RYR3: variants seen among roughly 807,000 people sequenced by gnomAD.
RYR3 encodes brain ryanodine receptor-calcium release channel.
RYR3 carries 207 observed loss-of-function variants against 584.3 expected under a neutral mutation model. The ratio of observed to expected loss-of-function variants is 0.35; its 90% CI spans 0.32 to 0.40. RYR3 has a LOEUF of 0.40. Among genes scored for constraint, RYR3 ranks in the 10% least tolerant of loss-of-function variants. RYR3 has a pLI of 1.00. For synonymous variants in RYR3, 2,416 were observed against 2,248.5 expected, an observed-to-expected ratio of 1.07 and a Z score of -2.11; for missense variants, 5,616 against 6,089.2, an observed-to-expected ratio of 0.92 and a Z score of 2.59.
chr15:33,385,556 C>G (rs2676058), intron 1 of RYR3, among the ~76,000 whole-genome samples: 116,314 of 152,066 alleles, frequency 0.76, 44,637 homozygotes, highest in Non-Finnish European at 0.78. Flanking sequence ...ACAAAAACCT[C>G]ATAGTTTAAA....
chr15:33,454,743 CA>C (rs2142009239), intron 1 of RYR3, among the ~76,000 whole-genome samples: 1 of 152,244 alleles, frequency 6.6e-6, no homozygotes, highest in African/African-American at 2.4e-5. Flanking sequence ...GCCAAAAGAA[CA>C]GCATATACAA....
chr15:33,389,498 T>C (rs2041855028), intron 1 of RYR3, among the ~76,000 whole-genome samples: 1 of 152,220 alleles, frequency 6.6e-6, no homozygotes. Flanking sequence ...AAATAATTTC[T>C]TGACTATTTT....
chr15:33,864,050 G>A (rs1889513453), intron 102 of RYR3, 88 bp from the exon 103 acceptor site: 2 of 944,020 alleles, frequency 2.1e-6, no homozygotes, highest in Non-Finnish European at 3.3e-6. Context: ...GGACCAACTA[G>A]CCTTTCTGAG....
chr15:33,612,736 T>C (rs2152567448), intron 18 of RYR3, among the ~76,000 whole-genome samples: 1 of 152,168 alleles, frequency 6.6e-6, no homozygotes, highest in South Asian at 2.1e-4. Context: ...TCTACAGCAG[T>C]CTAATCTTTT....
chr15:33,365,871 C>G (rs1244131690), intron 1 of RYR3, among the ~76,000 whole-genome samples: 1 of 151,946 alleles, frequency 6.6e-6, no homozygotes, highest in African/African-American at 2.4e-5. Flanking sequence ...ATCAGTCATG[C>G]CTCAGTAAAG....
intron 63 of RYR3, among the ~76,000 whole-genome samples, chr15:33,772,596 C>T (rs796146180): frequency 2.9e-4 from 44 of 152,296 alleles, no homozygotes; most frequent in African/African-American, 1.1e-3. Flanking sequence ...TCTGAGCTTT[C>T]GGAAGACCAA....
At chr15:33,323,017 A>G (rs1969185889) in intron 1 of RYR3, among the ~76,000 whole-genome samples, 1 of 151,524 alleles carries the variant, frequency 6.6e-6, no homozygotes. Flanking sequence ...TGAATTTGTC[A>G]TTTATGTTTG....
chr15:33,843,349 T>C lies in RYR3; in HGVS notation c.13210-139T>C, dbSNP rs1010162679. ...AAAAAGAAAGAAAAGAATGCCAGGGTTACCCTAGAAGAGTGGTCATCAAAG... is the reference window on the plus strand; with the variant it reads ...AAAAAGAAAGAAAAGAATGCCAGGGCTACCCTAGAAGAGTGGTCATCAAAG... On this transcript the variant is annotated intron_variant, in intron 91 of 103. Coordinates refer to ENST00000634891, the MANE Select transcript of RYR3 (RefSeq NM_001036.6). 2.1e-4 allele frequency: 123 copies of C among 598,454 alleles called. No homozygotes were observed. In the South Asian group the frequency reaches 2.4e-3, roughly 12 times the overall value. The allele number at this position is 598,454 out of a possible 1,614,324, so 37.1% of individuals were successfully genotyped here.
chr15:33,637,272 G>A (rs2061547085), intron 27 of RYR3, among the ~76,000 whole-genome samples: 1 of 152,202 alleles, frequency 6.6e-6, no homozygotes, highest in South Asian at 2.1e-4. Flanking sequence ...AGGAGTATCT[G>A]TTTGACCTCT....
rs74841839 is a variant in RYR3, at chr15:33,392,932, C to G, written c.52-80487C>G. ...GTTCAAGTATGTTTTAGGAAGCCTA[C>G]AAGGGCATGGGATTGCACAAGAAGC... On this transcript the variant is annotated intron_variant, in intron 1 of 103. Coordinates refer to ENST00000634891, the MANE Select transcript of RYR3 (RefSeq NM_001036.6). Among the ~76,000 whole-genome samples the G allele has an allele frequency of 3.9e-5, 6 of 152,354 alleles. No individual in the cohort carries two copies. In the East Asian group the frequency reaches 1.2e-3, roughly 29 times the overall value.
At chr15:33,519,287 C>A (rs578001505) in intron 3 of RYR3, among the ~76,000 whole-genome samples, 3 of 152,144 alleles carry the variant, frequency 2.0e-5, no homozygotes, top group Admixed American at 2.0e-4. Context: ...TTGTGTCTTT[C>A]TATCTATCAT....
chr15:33,704,776 T>A (rs1347443457), intron 42 of RYR3, among the ~76,000 whole-genome samples: 1 of 152,194 alleles, frequency 6.6e-6, no homozygotes, highest in Non-Finnish European at 1.5e-5. Flanking sequence ...GAGCCTCCAT[T>A]GGAAGAAGTC....
intron 19 of RYR3, among the ~76,000 whole-genome samples, chr15:33,620,994 T>C (rs565862556): frequency 6.6e-6 from 1 of 152,360 alleles, no homozygotes; most frequent in Admixed American, 6.5e-5. Context: ...TTTTACAGTT[T>C]ATGTGGCCAT....
intron 69 of RYR3, 163 bp downstream of exon 69, chr15:33,802,124 C>T: frequency 2.6e-6 from 2 of 761,418 alleles, no homozygotes; most frequent in Non-Finnish European, 4.9e-6. Context: ...CCAGAAGAAA[C>T]TGCTCTCAAA....
intron 31 of RYR3, among the ~76,000 whole-genome samples, chr15:33,652,183 A>T (rs1164525254): frequency 6.6e-6 from 1 of 152,194 alleles, no homozygotes; most frequent in Admixed American, 6.5e-5. Flanking sequence ...AAGTCAAGGT[A>T]GCAGCAAGGT....
rs181777250 is a variant in RYR3 at position 33,517,088 on chromosome 15, G to A, written c.279+13350G>A. ...TGGCTCACTGCAACCTCTACTTCTC[G>A]GGATCAAGCGATTCTCCTGCCTCAG... On this transcript the variant is annotated intron_variant, in intron 3 of 103. Transcript: ENST00000634891. Among the ~76,000 whole-genome samples, 11 of 152,108 alleles carry A rather than the reference G, an allele frequency of 7.2e-5. No individual in the cohort carries two copies. In the East Asian group the frequency reaches 1.7e-3, roughly 24 times the overall value.
At chr15:33,473,697 C>G (rs960948657) in intron 2 of RYR3, among the ~76,000 whole-genome samples, 159 bp downstream of exon 2, 13 of 152,180 alleles carry the variant, frequency 8.5e-5, no homozygotes, top group Admixed American at 5.2e-4. Context: ...TAACTTTCCA[C>G]AAGCCTAGGA....
At chr15:33,652,950 T>C in intron 32 of RYR3, 67 bp downstream of exon 32, 1 of 1,474,652 alleles carries the variant, frequency 6.8e-7, no homozygotes, top group Admixed American at 2.2e-5. Flanking sequence ...GTGTTCCTTG[T>C]TCTCCGTACT....
In RYR3 at chr15:33,311,263, C is replaced by A. The variant is rs1174539626; in HGVS notation, c.51+167C>A. ...GACCGGCCACCTACCCGCGGGGCCG[C>A]GAGGGGCTGCGTGGGAAGGGGCACC... On this transcript the variant is annotated intron_variant, in intron 1 of 103. Transcript: ENST00000634891. The surrounding 1 kb of genome is among the most constrained non-coding windows in gnomAD (Gnocchi z 4.4). Among the ~76,000 whole-genome samples, 1 of 152,096 alleles carries A rather than the reference C, an allele frequency of 6.6e-6. No individual in the cohort carries two copies. Among genetic ancestry groups the A allele is most frequent in the East Asian group, 1.9e-4 (1 of 5,160 alleles).
Sources: allele counts gnomAD v4.1 joint callset (sites outside exome capture counted in the v4.1 genomes callset), GRCh38; gene constraint gnomAD v4.1.1; non-coding constraint Gnocchi (gnomAD v3.1); transcripts MANE v1.5; gene names NCBI Gene and HGNC (gene_info 2026-07-23, HGNC 2026-07-21).